Variants in MAOB observed in about 807,000 individuals in gnomAD.
MAOB encodes the protein monoamine oxidase B, also known as amine oxidase [flavin-containing] B.
A neutral mutation model predicts 41.9 loss-of-function variants in MAOB; 15 were observed. The ratio of observed to expected loss-of-function variants is 0.36; its 90% CI spans 0.24 to 0.55. The LOEUF is 0.55. Among genes scored for constraint, MAOB ranks in the 20% least tolerant of loss-of-function variants. The pLI is 0.86. For synonymous variants in MAOB, 167 were observed against 144.2 expected (o/e 1.16, Z -1.13); for missense variants, 345 against 398.7 (o/e 0.87, Z 1.15).
chrX:43,855,048 C>A (rs183031048), intron 1 of MAOB, among the ~76,000 whole-genome samples: 16 of 110,879 alleles, frequency 1.4e-4, no homozygotes, highest in African/African-American at 5.3e-4. Flanking sequence ...TTCCATCCTG[C>A]CAGCTCAGAT....
At chrX:43,773,197 G>A (rs1237995371) in intron 12 of MAOB, among the ~76,000 whole-genome samples, 1 of 111,699 alleles carries the variant, frequency 9.0e-6, no homozygotes, top group Non-Finnish European at 1.9e-5. Context: ...CAGGTGGTAT[G>A]TGCATTATGA....
intron 10 of MAOB, 49 bp from the exon 11 acceptor site, chrX:43,778,788 A>G (rs779777074): frequency 7.2e-5 from 68 of 949,315 alleles, no homozygotes; most frequent in African/African-American, 1.4e-4. Context: ...GAAGGGAGGG[A>G]AAAAAAAAGT....
At chrX:43,778,815 T>A in intron 10 of MAOB, 76 bp from the exon 11 acceptor site, 1 of 767,376 alleles carries the variant, frequency 1.3e-6, no homozygotes, top group South Asian at 2.5e-5. Flanking sequence ...GAGGCATTTA[T>A]CCCCTCATAA....
At chrX:43,814,661 A>C (rs2034786866) in intron 3 of MAOB, among the ~76,000 whole-genome samples, 1 of 111,796 alleles carries the variant, frequency 8.9e-6, no homozygotes, top group African/African-American at 3.3e-5. Flanking sequence ...AATGCTTAAG[A>C]ATGTTATATA....
intron 1 of MAOB, among the ~76,000 whole-genome samples, chrX:43,866,026 A>G (rs1373399001): frequency 9.0e-6 from 1 of 110,879 alleles, no homozygotes; most frequent in Non-Finnish European, 1.9e-5. Context: ...TACAGGCCCT[A>G]GGAAGAGCCA....
Position 43,786,200 on chromosome X carries a change from C to T in MAOB, c.929-4656G>A, listed in dbSNP as rs72627376. Among the ~76,000 whole-genome samples, 229 of 112,269 alleles carry T rather than the reference C, an allele frequency of 2.0e-3. 6 individuals are homozygous for T. The East Asian group carries it at 0.057, about 28-fold the overall frequency. On this transcript the variant is annotated intron_variant, in intron 8 of 14. Transcript: ENST00000378069. ...TCTGAAATGTTATAACAATATATTA[C>T]TGCAGTGTCCAACTCCTTCTGCTCC...
chrX:43,872,363 T>C (rs1481414666), intron 1 of MAOB, among the ~76,000 whole-genome samples: 1 of 111,973 alleles, frequency 8.9e-6, no homozygotes, highest in African/African-American at 3.2e-5. Flanking sequence ...ATCTTGATTA[T>C]CTCTGTACTG....
chrX:43,785,195 G>A (rs1354834480), intron 8 of MAOB, among the ~76,000 whole-genome samples: 1 of 113,060 alleles, frequency 8.8e-6, no homozygotes, highest in East Asian at 2.8e-4. Context: ...AGCCACCTTT[G>A]TCAATGTTCT....
At chrX:43,820,327 G>GT (rs1401904757) in intron 3 of MAOB, among the ~76,000 whole-genome samples, 1 of 111,816 alleles carries the variant, frequency 8.9e-6, no homozygotes, top group Non-Finnish European at 1.9e-5. Flanking sequence ...ATCTATTGTG[G>GT]TTTTTCACAG....
At chrX:43,824,014 C>A (rs144834894) in intron 3 of MAOB, among the ~76,000 whole-genome samples, 1 of 112,271 alleles carries the variant, frequency 8.9e-6, no homozygotes, top group African/African-American at 3.2e-5. Flanking sequence ...CAGCAATGAC[C>A]GTCATAATGA....
At chrX:43,876,338 A>G (rs1035364828) in intron 1 of MAOB, among the ~76,000 whole-genome samples, 4 of 112,556 alleles carry the variant, frequency 3.6e-5, no homozygotes, top group African/African-American at 1.3e-4. Flanking sequence ...TGAAAGATGC[A>G]GTCACATTCC....
chrX:43,817,745 C>T (rs2034835138), intron 3 of MAOB, among the ~76,000 whole-genome samples: 3 of 112,223 alleles, frequency 2.7e-5, no homozygotes. Context: ...GCCTGAGGGC[C>T]TTTGCACCTG....
rs373923364 is a variant in MAOB, at chrX:43,793,419, C to A, written c.928G>T (p.Asp310Tyr). The change falls in exon 8 of 15, where the codon GAT becomes TAT. Residue 310 changes from aspartate (D) to tyrosine (Y), a missense_variant and splice_region_variant. Asp to Tyr is a radical substitution (Grantham distance 160). Transcript: ENST00000378069. The part of the protein sequence containing the change: ...YYKEPFWRKK[D>Y]YCGTMIIDGE... Reference sequence around the variant, plus strand: ...GTTTTTATATAAGGAAAGTACTCACCCTTTTTCCTCCAGAAAGGCTCTTTA... The same window carrying A: ...GTTTTTATATAAGGAAAGTACTCACACTTTTTCCTCCAGAAAGGCTCTTTA... The A allele has an allele frequency of 1.7e-6, 2 of 1,184,185 alleles. No homozygotes were observed. Among genetic ancestry groups the A allele is most frequent in the South Asian group, 1.9e-5 (1 of 52,653 alleles).
intron 3 of MAOB, among the ~76,000 whole-genome samples, chrX:43,804,676 A>G (rs933842419): frequency 8.9e-6 from 1 of 111,823 alleles, no homozygotes; most frequent in African/African-American, 3.2e-5. Flanking sequence ...CACGGACCCA[A>G]GGAAGAGTTG....
chrX:43,815,437 T>A (rs2034798859), intron 3 of MAOB, among the ~76,000 whole-genome samples: 1 of 111,896 alleles, frequency 8.9e-6, no homozygotes, highest in African/African-American at 3.3e-5. Flanking sequence ...GAGACGACTA[T>A]CTACCAGTGT....
intron 14 of MAOB, among the ~76,000 whole-genome samples, chrX:43,768,170 C>T (rs948192813): frequency 8.9e-6 from 1 of 112,072 alleles, no homozygotes; most frequent in Non-Finnish European, 1.9e-5. Context: ...AACCTCTATG[C>T]ATCCCTCCTT....
intron 3 of MAOB, among the ~76,000 whole-genome samples, chrX:43,832,849 CT>C (rs937947091): frequency 2.7e-5 from 3 of 111,239 alleles, no homozygotes; most frequent in Admixed American, 9.6e-5. Context: ...TAAAAACAGA[CT>C]TTTATAAAGA....
chrX:43,825,277 G>A (rs1334986449), intron 3 of MAOB, among the ~76,000 whole-genome samples: 1 of 111,590 alleles, frequency 9.0e-6, no homozygotes, highest in East Asian at 2.8e-4. Flanking sequence ...TCCAGCCACA[G>A]GGGGTTCCTT....
intron 3 of MAOB, among the ~76,000 whole-genome samples, chrX:43,832,118 C>G (rs908488209): frequency 1.8e-5 from 2 of 111,774 alleles, no homozygotes; most frequent in South Asian, 7.5e-4. Context: ...GACAAAATTT[C>G]CAATTGTGTG....
Sources: allele counts gnomAD v4.1 joint callset (sites outside exome capture counted in the v4.1 genomes callset), GRCh38; gene constraint gnomAD v4.1.1; transcripts MANE v1.5; gene names NCBI Gene and HGNC (gene_info 2026-07-23, HGNC 2026-07-21).